The following ACSM3 variants were observed in gnomAD, a reference collection of about 807,000 sequenced individuals.
The protein encoded by ACSM3 is acyl-CoA synthetase medium chain family member 3, also known as acyl-coenzyme A synthetase ACSM3, mitochondrial.
ACSM3 carries 61 observed loss-of-function variants against 74.1 expected under a neutral mutation model. That is an observed-to-expected ratio of 0.82 (90% CI 0.67 to 1.02). The LOEUF (loss-of-function observed/expected upper bound fraction) is 1.02. Among genes scored for constraint, ACSM3 ranks in the 50% least tolerant of loss-of-function variants. The probability of loss-of-function intolerance (pLI) is 0.00; values close to 1 mark genes in which losing one functional copy is unlikely to be tolerated. For missense variants in ACSM3, 660 were observed against 697.0 expected (o/e 0.95, Z 0.60); for synonymous variants, 213 against 241.5 (o/e 0.88, Z 1.09).
chr16:20,761,245 G>A (rs1347462064), upstream of ACSM3, among the ~76,000 whole-genome samples: 1 of 152,106 alleles, frequency 6.6e-6, no homozygotes, highest in African/African-American at 2.4e-5. Flanking sequence ...AGCATGTATT[G>A]ATTTATGTCT....
intron 1 of ACSM3, among the ~76,000 whole-genome samples, chr16:20,742,813 A>ATATATTTTTTTT (rs61582869): frequency 1.5e-5 from 1 of 66,820 alleles, no homozygotes; most frequent in Non-Finnish European, 4.0e-5. Context: ...ATATATATAT[A>ATATATTTTTTTT]TTTTTTTTTT....
At chr16:20,747,767 A>G (rs2079963908) in intron 1 of ACSM3, among the ~76,000 whole-genome samples, 1 of 152,258 alleles carries the variant, frequency 6.6e-6, no homozygotes. Context: ...TATGGACTGC[A>G]TATTCCACCA....
intron 1 of ACSM3, among the ~76,000 whole-genome samples, chr16:20,742,930 ATGTT>A (rs915651390): frequency 2.8e-5 from 4 of 143,504 alleles, no homozygotes; most frequent in South Asian, 4.5e-4. Context: ...AAGGTATTGT[ATGTT>A]TGTCTATTTT....
intron 1 of ACSM3, among the ~76,000 whole-genome samples, chr16:20,745,593 A>G (rs201528322): frequency 0.13 from 19,778 of 151,746 alleles, 1,360 homozygotes; most frequent in East Asian, 0.21. Flanking sequence ...AAATAAATAA[A>G]TAAATAAATA....
intron 1 of ACSM3, among the ~76,000 whole-genome samples, chr16:20,723,439 G>A (rs2152396187): frequency 6.6e-6 from 1 of 152,304 alleles, no homozygotes; most frequent in African/African-American, 2.4e-5. Context: ...TCTAGTTCTA[G>A]ATCCCTGAGG....
At position 20,790,752 on chromosome 16, in the gene ACSM3, G is replaced by C. The variant is rs951889403; in HGVS notation, c.1326+64G>C. 3.1e-6 allele frequency: 5 copies of C among 1,613,420 alleles called. No homozygotes were observed. The highest frequency in any genetic ancestry group is 4.2e-6 in the Non-Finnish European group (5 of 1,179,574). ...TCTCAAGTGCTTGGTAACAATCCCT[G>C]TTTGCCACAAAACATACCTAGGATA... On this transcript the variant is annotated intron_variant, in intron 10 of 13. Coordinates refer to ENST00000289416, the MANE Select transcript of ACSM3 (RefSeq NM_005622.4). The surrounding 1 kb of genome is among the most constrained non-coding windows in gnomAD (Gnocchi z 4.0).
At chr16:20,737,440 T>C (rs576925707) in intron 1 of ACSM3, among the ~76,000 whole-genome samples, 7 of 152,318 alleles carry the variant, frequency 4.6e-5, no homozygotes, top group Admixed American at 2.6e-4. Context: ...TTACAATAAA[T>C]AAACACAAAT....
At chr16:20,711,538 TC>T in intron 1 of ACSM3, 2 of 1,425,326 alleles carry the variant, frequency 1.4e-6, no homozygotes, top group Non-Finnish European at 9.6e-7. Context: ...GCTGCAAGCA[TC>T]CAAGGCCAAG....
At chr16:20,733,599 A>G (rs2079844261) in intron 1 of ACSM3, 4 of 151,988 alleles carry the variant, frequency 2.6e-5, no homozygotes, top group Admixed American at 1.3e-4. Context: ...TTTATGATAT[A>G]TATATACTAT....
At position 20,796,911 on chromosome 16, in the gene ACSM3, A is replaced by C. The variant is rs773445224; in HGVS notation, c.1700A>C (p.Lys567Thr). 2 of 1,612,956 alleles carry C rather than the reference A, an allele frequency of 1.2e-6. No homozygotes were observed. The highest frequency in any genetic ancestry group is 1.7e-6 in the Non-Finnish European group (2 of 1,179,546). Residue 567 changes from lysine to threonine, a missense_variant, in exon 14 of 14, where the codon AAG (lysine) becomes ACG (threonine). By Grantham distance (78) the Lys-to-Thr change is moderately conservative. Transcript: ENST00000289416. ...RKVEFIQELP[K>T]TISGKTKRNE... is the part of the protein sequence containing the mutation. ...GTAGAATTTATTCAAGAGCTGCCAAAGACTATCAGTGGGAAGACAAAAAGA... is the reference window on the plus strand; with the variant it reads ...GTAGAATTTATTCAAGAGCTGCCAACGACTATCAGTGGGAAGACAAAAAGA...
intron 2 of ACSM3, among the ~76,000 whole-genome samples, chr16:20,772,495 C>G (rs1338148477): frequency 1.3e-5 from 2 of 152,116 alleles, no homozygotes; most frequent in East Asian, 3.8e-4. Flanking sequence ...AGTTTTGAGT[C>G]TTACATTTAA....
chr16:20,742,574 C>T (rs573240313), intron 1 of ACSM3, among the ~76,000 whole-genome samples: 4 of 149,922 alleles, frequency 2.7e-5, no homozygotes, highest in East Asian at 2.0e-4. Flanking sequence ...ACTCGGGAAG[C>T]GGCGGTTGCA....
intron 1 of ACSM3, among the ~76,000 whole-genome samples, chr16:20,738,519 A>G (rs948225232): frequency 1.3e-5 from 2 of 152,164 alleles, no homozygotes; most frequent in African/African-American, 4.8e-5. Flanking sequence ...TTAGTTGACC[A>G]CACTGAAAAA....
At chr16:20,789,684 C>CTTTTT (rs561663756) in intron 9 of ACSM3, 8 of 446,566 alleles carry the variant, frequency 1.8e-5, no homozygotes, top group Middle Eastern at 6.5e-4. Flanking sequence ...CTCTATTTTT[C>CTTTTT]TTTTTTTTTT....
chr16:20,737,838 A>G (rs779027442), intron 1 of ACSM3: 3 of 1,613,928 alleles, frequency 1.9e-6, no homozygotes, highest in South Asian at 1.1e-5. Context: ...ATTTTTTCAT[A>G]TCTTCTAAAA....
intron 1 of ACSM3, among the ~76,000 whole-genome samples, chr16:20,748,526 G>GAATAAAATTCAATATTATAA (rs1405414414): frequency 6.6e-6 from 1 of 152,150 alleles, no homozygotes; most frequent in Admixed American, 6.5e-5. Context: ...TGTGAGTATT[G>GAATAAAATTCAATATTATAA]AATAAAATAT....
At chr16:20,773,386 T>C (rs1269614217) in intron 2 of ACSM3, among the ~76,000 whole-genome samples, 1 of 152,196 alleles carries the variant, frequency 6.6e-6, no homozygotes, top group East Asian at 1.9e-4. Context: ...ATTTCTTTCT[T>C]TCTACTAATT....
chr16:20,728,147 G>A (rs2079813176), intron 1 of ACSM3: 1 of 284,542 alleles, frequency 3.5e-6, no homozygotes, highest in Non-Finnish European at 7.1e-6. Flanking sequence ...CTTATGCAAA[G>A]TTTGTCCTCT....
intron 3 of ACSM3, among the ~76,000 whole-genome samples, chr16:20,757,630 C>T (rs2080042146): frequency 6.7e-6 from 1 of 149,044 alleles, no homozygotes; most frequent in Non-Finnish European, 1.5e-5. Context: ...CCTTTATTTC[C>T]TTCTCCTGCC....
Sources: gnomAD v4.1 joint callset for allele counts (sites outside exome capture counted in the v4.1 genomes callset) on GRCh38, gnomAD v4.1.1 for gene constraint, Gnocchi (gnomAD v3.1) non-coding constraint, MANE v1.5 for transcripts, NCBI Gene and HGNC (gene_info 2026-07-23, HGNC 2026-07-21) for gene names.